The following SPON1 variants were observed in gnomAD, a reference collection of about 807,000 sequenced individuals.
SPON1 encodes the protein spondin 1.
In SPON1, 52 loss-of-function variants were observed where a neutral mutation model predicts 111.7. That is an observed-to-expected ratio of 0.47 (90% confidence interval 0.37 to 0.59). The LOEUF (loss-of-function observed/expected upper bound fraction) is 0.59. SPON1 is among the 20% of genes least tolerant of loss of function. SPON1 has a pLI of 0.00. For synonymous variants in SPON1, 410 were observed against 395.8 expected, an observed-to-expected ratio of 1.04 and a Z score of -0.43; for missense variants, 957 against 1,068.5, an observed-to-expected ratio of 0.90 and a Z score of 1.46.
intron 6 of SPON1, among the ~76,000 whole-genome samples, chr11:14,185,432 A>C (rs1164887250): frequency 1.3e-5 from 2 of 152,148 alleles, no homozygotes; most frequent in African/African-American, 2.4e-5. Flanking sequence ...TCTCATATAG[A>C]CCTGACCTCT....
chr11:13,995,913 TAAG>T (rs547749912), intron 2 of SPON1, among the ~76,000 whole-genome samples: 19 of 152,290 alleles, frequency 1.2e-4, no homozygotes, highest in Middle Eastern at 6.8e-3. Flanking sequence ...TCTGTGCAAA[TAAG>T]AAAACAATCA....
intron 6 of SPON1, among the ~76,000 whole-genome samples, chr11:14,136,871 G>A (rs1404496481): frequency 6.6e-6 from 1 of 152,152 alleles, no homozygotes; most frequent in East Asian, 1.9e-4. Flanking sequence ...TTCAGACTAT[G>A]GCAAAGTCAT....
At chr11:14,019,861 G>C (rs1353564825) in intron 2 of SPON1, among the ~76,000 whole-genome samples, 2 of 152,154 alleles carry the variant, frequency 1.3e-5, no homozygotes, top group Non-Finnish European at 2.9e-5. Flanking sequence ...AGAGAAGGAG[G>C]ATAGTGGGGG....
chr11:14,038,845 G>A (rs782511145), intron 2 of SPON1, among the ~76,000 whole-genome samples: 1 of 152,154 alleles, frequency 6.6e-6, no homozygotes, highest in Non-Finnish European at 1.5e-5. Flanking sequence ...GTGCTCTTTG[G>A]TATTTACCCA....
intron 6 of SPON1, among the ~76,000 whole-genome samples, chr11:14,235,684 A>C (rs1848856890): frequency 5.9e-5 from 2 of 33,780 alleles, no homozygotes; most frequent in Admixed American, 2.2e-4. Flanking sequence ...GCCTCAAAAA[A>C]AAAAAAAAAA....
intron 2 of SPON1, among the ~76,000 whole-genome samples, chr11:14,041,153 G>A (rs1213657160): frequency 2.0e-5 from 3 of 152,184 alleles, no homozygotes; most frequent in Admixed American, 2.0e-4. Flanking sequence ...GAGTTATGAA[G>A]TTTTGCTATG....
In SPON1 at chr11:14,160,572, TATATATATATTTAC is replaced by T. The variant is rs1847911735; in HGVS notation, c.825+25018_825+25031del. ...TTATATATATATTTATATATATATT[TATATATATATTTAC>T]ATATATATATTTATATATATTTATA... On this transcript the variant is annotated intron_variant, in intron 6 of 15. Coordinates refer to ENST00000576479, the MANE Select transcript of SPON1 (RefSeq NM_006108.4). Among the ~76,000 whole-genome samples, 17 of 24,028 alleles carry T rather than the reference TATATATATATTTAC, an allele frequency of 7.1e-4. 1 individual carries two copies. Among genetic ancestry groups the T allele is most frequent in the Non-Finnish European group, 8.1e-4 (12 of 14,762 alleles). The allele number at this position is 24,028 out of a possible 152,430, so 15.8% of individuals were successfully genotyped here.
At chr11:14,101,705 G>A (rs1006716692) in intron 5 of SPON1, among the ~76,000 whole-genome samples, 1 of 152,036 alleles carries the variant, frequency 6.6e-6, no homozygotes, top group Non-Finnish European at 1.5e-5. Context: ...ACACTAAAAA[G>A]GTCTATTAAT....
At chr11:13,970,405 C>T (rs1367564235) in intron 1 of SPON1, among the ~76,000 whole-genome samples, 9 of 152,194 alleles carry the variant, frequency 5.9e-5, no homozygotes, top group African/African-American at 1.9e-4. Flanking sequence ...TAGGAAATAA[C>T]TTGAACCCTC....
intron 6 of SPON1, among the ~76,000 whole-genome samples, chr11:14,171,211 G>T (rs1296326855): frequency 6.6e-6 from 1 of 152,116 alleles, no homozygotes; most frequent in African/African-American, 2.4e-5. Context: ...CTTCTTCCTG[G>T]TTTAGTCTTG....
chr11:13,990,618 T>C (rs753221047), intron 2 of SPON1, among the ~76,000 whole-genome samples: 2 of 152,022 alleles, frequency 1.3e-5, no homozygotes, highest in Non-Finnish European at 2.9e-5. Flanking sequence ...GTCATTATGA[T>C]GCTAGCTGGT....
At chr11:14,137,696 C>T (rs781988740) in intron 6 of SPON1, among the ~76,000 whole-genome samples, 4 of 152,172 alleles carry the variant, frequency 2.6e-5, no homozygotes, top group Non-Finnish European at 4.4e-5. Context: ...TGTTGAGAAT[C>T]TCAAGATGGC....
chr11:13,986,343 TAAC>T (rs1848182341), intron 2 of SPON1, among the ~76,000 whole-genome samples: 2 of 152,326 alleles, frequency 1.3e-5, no homozygotes, highest in East Asian at 1.9e-4. Flanking sequence ...TTTGAGGGCT[TAAC>T]AACAACCACA....
rs1314114898 is a variant in SPON1, at chr11:14,136,205, T to G, written c.825+637T>G. On this transcript the variant is annotated intron_variant, in intron 6 of 15. Transcript: ENST00000576479. ...AATCAGGTTGACACCAGAGAGAGGC[T>G]AATGAGAGAACCTTGGAAGAAGAGC... 3.3e-5 allele frequency among the ~76,000 whole-genome samples: 5 copies of G among 152,276 alleles called. No individual in the cohort carries two copies. In the East Asian group the frequency reaches 9.7e-4, roughly 29 times the overall value.
chr11:14,262,761 G>A lies in SPON1; in HGVS notation c.2046G>A (p.Lys682=). 4 of 1,613,990 alleles carry A rather than the reference G, an allele frequency of 2.5e-6. No homozygotes were observed. Among genetic ancestry groups the A allele is most frequent in the Non-Finnish European group, 3.4e-6 (4 of 1,179,896 alleles). The change falls in exon 15 of 16, where the codon AAG becomes AAA. Residue 682 remains lysine, a synonymous_variant. Coordinates refer to ENST00000576479, the MANE Select transcript of SPON1 (RefSeq NM_006108.4). ...TEWSQWSECN[K]SCGKGHVIRT... is the part of the protein sequence containing the mutation. ...GGTCCCAGTGGTCGGAATGTAACAA[G>A]TCATGTGGGAAAGGCCACGTGATTC... is the stretch of plus-strand genomic sequence containing the variant.
intron 3 of SPON1, among the ~76,000 whole-genome samples, chr11:14,073,882 A>T (rs1255309015): frequency 6.6e-6 from 1 of 152,164 alleles, no homozygotes; most frequent in African/African-American, 2.4e-5. Flanking sequence ...GGGAAGACAA[A>T]TGGGGGAAGA....
chr11:14,160,933 T>A (rs868943959), intron 6 of SPON1, among the ~76,000 whole-genome samples: 19 of 21,404 alleles, frequency 8.9e-4, no homozygotes, highest in African/African-American at 3.6e-3. Flanking sequence ...ATTTATATAT[T>A]TATATATATA....
At chr11:13,995,465 G>A (rs1010419892) in intron 2 of SPON1, among the ~76,000 whole-genome samples, 4 of 152,146 alleles carry the variant, frequency 2.6e-5, no homozygotes, top group Admixed American at 2.6e-4. Flanking sequence ...TCATAAGGTG[G>A]CTGGAGAGAG....
chr11:14,135,296 C>A lies in SPON1; in HGVS notation c.677-124C>A. 1 of 1,112,956 alleles carries A rather than the reference C, an allele frequency of 9.0e-7. No homozygotes were observed. The highest frequency in any genetic ancestry group is 1.3e-6 in the Non-Finnish European group (1 of 775,902). The allele number at this position is 1,112,956 out of a possible 1,614,324, so 68.9% of individuals were successfully genotyped here. A position where few individuals can be genotyped will look rare whatever the true frequency, so the allele number is the denominator to read the frequency against. On this transcript the variant is annotated intron_variant, in intron 5 of 15. Coordinates refer to ENST00000576479, the MANE Select transcript of SPON1 (RefSeq NM_006108.4). This position sits in a 1 kb window ranked among gnomAD's most constrained non-coding sequence, Gnocchi z 4.4. ...TCACTGAATGGCACAGGGCCTAAGA[C>A]AGAATAGGTGCTTAGTCAGTGCTCT...
Sources: allele counts gnomAD v4.1 joint callset (sites outside exome capture counted in the v4.1 genomes callset), GRCh38; gene constraint gnomAD v4.1.1; non-coding constraint Gnocchi (gnomAD v3.1); transcripts MANE v1.5; gene names NCBI Gene and HGNC (gene_info 2026-07-23, HGNC 2026-07-21).